Variants in WDR90 observed in about 807,000 individuals in gnomAD.
The protein encoded by WDR90 is WD repeat-containing protein 90.
WDR90 carries 238 observed loss-of-function variants against 195.2 expected under a neutral mutation model. The observed-to-expected ratio is 1.22, with a 90% CI of 1.10 to 1.36. The LOEUF (loss-of-function observed/expected upper bound fraction) is 1.36. Ranked by LOEUF, WDR90 falls within the 40% of genes most tolerant of loss-of-function variation. WDR90 has a pLI of 0.00. For synonymous variants in WDR90, 1,265 were observed against 1,052.4 expected (o/e 1.20, Z -3.91); for missense variants, 2,734 against 2,439.5 (o/e 1.12, Z -2.54).
intron 20 of WDR90, 90 bp from the exon 21 acceptor site, chr16:657,672 G>T: frequency 7.0e-7 from 1 of 1,423,180 alleles, no homozygotes; most frequent in Non-Finnish European, 9.2e-7. Flanking sequence ...TTTCCCGAAA[G>T]TGGGGGCAGG....
chr16:662,955 C>T, intron 34 of WDR90, 111 bp downstream of exon 34: 1 of 1,471,526 alleles, frequency 6.8e-7, no homozygotes, highest in Non-Finnish European at 9.2e-7. Flanking sequence ...CCGTCACTGG[C>T]TCGCAGCGGC....
chr16:655,560 C>A lies in WDR90; in HGVS notation c.1719-13C>A, dbSNP rs374513798. On this transcript the variant is annotated splice_polypyrimidine_tract_variant and intron_variant, in intron 15 of 40. Transcript: ENST00000293879. ...CCTGAGGGCCTCACCTTCCCTGCCG[C>A]CTCCTCGGGCAGCTTCGTGTGCAGC... 3.0e-5 allele frequency: 48 copies of A among 1,576,312 alleles called. No homozygotes were observed. In the African/African-American group the frequency reaches 6.3e-4, roughly 21 times the overall value.
intron 26 of WDR90, 74 bp from the exon 27 acceptor site, chr16:659,983 AG>A: frequency 8.9e-7 from 1 of 1,117,766 alleles, no homozygotes. Context: ...GCTTGTGGGG[AG>A]ACTGCGTGTA....
intron 34 of WDR90, among the ~76,000 whole-genome samples, chr16:664,620 G>A (rs567052326): frequency 1.6e-3 from 249 of 152,276 alleles, no homozygotes; most frequent in Admixed American, 2.6e-3. Context: ...GGGCCCTCCC[G>A]GGGAGATGGA....
intron 7 of WDR90, 67 bp from the exon 8 acceptor site, chr16:651,577 G>C: frequency 6.6e-7 from 1 of 1,506,946 alleles, no homozygotes; most frequent in Non-Finnish European, 9.1e-7. Context: ...CCCTCCCCAG[G>C]CGTCACCCTC....
intron 14 of WDR90, 46 bp downstream of exon 14, chr16:655,193 G>A (rs113993316): frequency 4.0e-5 from 64 of 1,612,058 alleles, no homozygotes; most frequent in African/African-American, 2.9e-4. Flanking sequence ...GTCTGGGCCC[G>A]GAGTGGGGGC....
At chr16:660,482 T>G in intron 27 of WDR90, 130 bp from the exon 28 acceptor site, 1 of 925,554 alleles carries the variant, frequency 1.1e-6, no homozygotes, top group South Asian at 1.6e-5. Context: ...CTACCCCAGC[T>G]TCCCCGTCTG....
intron 10 of WDR90, 33 bp downstream of exon 10, chr16:652,568 C>T (rs1182570198): frequency 6.3e-7 from 1 of 1,575,002 alleles, no homozygotes; most frequent in Non-Finnish European, 8.6e-7. Context: ...CAGAGCAGCT[C>T]TCGTTGGCCG....
intron 24 of WDR90, 33 bp from the exon 25 acceptor site, chr16:659,053 G>A (rs2037830939): frequency 6.2e-7 from 1 of 1,613,072 alleles, no homozygotes; most frequent in Admixed American, 1.7e-5. Context: ...GGCCCCCCAG[G>A]CCCTCCTGAA....
chr16:651,399 G>A (rs1314515329), intron 7 of WDR90, 133 bp downstream of exon 7: 13 of 1,200,504 alleles, frequency 1.1e-5, no homozygotes, highest in African/African-American at 7.6e-5. Flanking sequence ...AGGGAAGCCC[G>A]TAGGTTGTCC....
In WDR90 at chr16:662,224, G is replaced by A. The variant is rs760029360; in HGVS notation, c.4038G>A (p.Leu1346=). ...SWEADDGGIG[L]LLFSGSRLVS... ...TATGGCTCCTCCTGCCCCTAGGGCTGTTGCTGTTCTCGGGTTCTCGATTGG... is the reference window on the plus strand; with the variant it reads ...TATGGCTCCTCCTGCCCCTAGGGCTATTGCTGTTCTCGGGTTCTCGATTGG... The change falls in exon 33 of 41, where the codon CTG becomes CTA. Residue 1346 remains leucine, a synonymous_variant. Transcript: ENST00000293879. 3.2e-6 allele frequency: 5 copies of A among 1,566,672 alleles called. No individual in the cohort carries two copies. The South Asian group carries it at 3.5e-5, about 11-fold the overall frequency.
Position 661,720 on chromosome 16 carries a change from C to T in WDR90, c.3797C>T (p.Thr1266Ile), listed in dbSNP as rs752623756. Residue 1266 changes from threonine to isoleucine, a missense_variant, in exon 31 of 41, where the codon ACC becomes ATC. Coordinates refer to ENST00000293879, the MANE Select transcript of WDR90 (RefSeq NM_145294.5). Reference protein sequence around the residue: ...AFNPWDAGELTCVGQGTVTFW... With the variant: ...AFNPWDAGELICVGQGTVTFW... ...AACCCCTGGGACGCCGGCGAGCTCA[C>T]CTGTGTGGGCCAGGGCACTGTCACC... 5 of 1,612,390 alleles carry T rather than the reference C, an allele frequency of 3.1e-6. No individual in the cohort carries two copies. The highest frequency in any genetic ancestry group is 2.7e-5 in the African/African-American group (2 of 75,052).
chr16:650,910 G>A, intron 5 of WDR90, 85 bp from the exon 6 acceptor site: 2 of 1,535,400 alleles, frequency 1.3e-6, no homozygotes, highest in Non-Finnish European at 1.8e-6. Context: ...GGCTGGGCTG[G>A]TGGCGTGGCA....
chr16:661,757 T>C lies in WDR90; in HGVS notation c.3834T>C (p.Leu1278=). The change falls in exon 31 of 41, where the codon CTT becomes CTC. Residue 1278 remains leucine, a synonymous_variant. Transcript: ENST00000293879. ...VGQGTVTFWL[L]QQRGADISLQ... ...AGGGCACTGTCACCTTCTGGCTCCT[T>C]CAGCAGCGTGGGGCAGACATCAGCC... The C allele has an allele frequency of 6.2e-7, 1 of 1,608,354 alleles. No individual in the cohort carries two copies. Among genetic ancestry groups the C allele is most frequent in the Non-Finnish European group, 8.5e-7 (1 of 1,177,568 alleles).
intron 29 of WDR90, 66 bp downstream of exon 29, chr16:661,238 A>AG: frequency 6.6e-7 from 1 of 1,520,046 alleles, no homozygotes; most frequent in Non-Finnish European, 8.8e-7. Flanking sequence ...CAGCTCCCGG[A>AG]CCGGTGCGGG....
At position 649,864 on chromosome 16, in the gene WDR90, CG is replaced by C. The variant is rs1264308819; in HGVS notation, c.102+15del. On this transcript the variant is annotated intron_variant, in intron 2 of 40. Coordinates refer to ENST00000293879, the MANE Select transcript of WDR90 (RefSeq NM_145294.5). Reference sequence around the variant, plus strand: ...CGTGGCCGTGGTCACGGTAGGCGGCCGGGGGCTCGCCCGGAGCCCACACCCC... The same window carrying C: ...CGTGGCCGTGGTCACGGTAGGCGGCCGGGGCTCGCCCGGAGCCCACACCCC... 2 of 1,576,182 alleles carry C rather than the reference CG, an allele frequency of 1.3e-6. No individual in the cohort carries two copies. Among genetic ancestry groups the C allele is most frequent in the South Asian group, 1.1e-5 (1 of 87,726 alleles).
chr16:649,608 C>T, intron 1 of WDR90, 155 bp from the exon 2 acceptor site: 1 of 1,134,104 alleles, frequency 8.8e-7, no homozygotes, highest in Non-Finnish European at 1.1e-6. Context: ...CCTCGGGCGC[C>T]CGGCCTCGTC....
intron 34 of WDR90, chr16:663,046 C>T (rs770495003): frequency 5.1e-5 from 40 of 785,330 alleles, no homozygotes; most frequent in South Asian, 4.2e-4. Flanking sequence ...ACAAGCGAGC[C>T]GCCTGGCAGG....
rs371310019 is a variant in WDR90, at chr16:653,334, G to C, written c.1123-7G>C. Reference sequence around the variant, plus strand: ...CCGGTCCTCAGCCCCCCGCCCCCTTGTGCCAGGCCCTGTGGACCCCAGACG... The same window carrying C: ...CCGGTCCTCAGCCCCCCGCCCCCTTCTGCCAGGCCCTGTGGACCCCAGACG... On this transcript the variant is annotated splice_polypyrimidine_tract_variant and splice_region_variant and intron_variant, in intron 10 of 40. Transcript: ENST00000293879. 1.7e-5 allele frequency: 26 copies of C among 1,530,290 alleles called. No homozygotes were observed. In the African/African-American group the frequency reaches 3.5e-4, roughly 21 times the overall value. The allele number at this position is 1,530,290 out of a possible 1,614,324, so 94.8% of individuals were successfully genotyped here.
Sources: gnomAD v4.1 joint callset for allele counts (sites outside exome capture counted in the v4.1 genomes callset) on GRCh38, gnomAD v4.1.1 for gene constraint, MANE v1.5 for transcripts, NCBI Gene and HGNC (gene_info 2026-07-23, HGNC 2026-07-21) for gene names.